The following LINGO2 variants were observed in gnomAD, a reference collection of about 807,000 sequenced individuals.
LINGO2 encodes the protein leucine rich repeat and Ig domain containing 2, also known as leucine-rich repeat and immunoglobulin-like domain-containing nogo receptor-interacting protein 2.
Under a neutral mutation model 30.6 loss-of-function variants are expected in LINGO2, and 14 were observed. The ratio of observed to expected loss-of-function variants is 0.46; its 90% CI spans 0.30 to 0.72. The LOEUF is 0.72. Among genes scored for constraint, LINGO2 ranks in the 30% least tolerant of loss-of-function variants. LINGO2 has a pLI of 0.07. For missense variants in LINGO2, 729 were observed against 751.7 expected, an observed-to-expected ratio of 0.97 and a Z score of 0.35; for synonymous variants, 317 against 288.5, an observed-to-expected ratio of 1.10 and a Z score of -1.00.
chr9:28,992,644 C>G, the LINGO2 span, among the ~76,000 whole-genome samples: 3 of 152,140 alleles, frequency 2.0e-5, no homozygotes, highest in African/African-American at 7.2e-5. Flanking sequence ...TGTAAAAGAA[C>G]AGAAATTATA....
chr9:28,180,268 T>C (rs1161677858), intron 4 of LINGO2, among the ~76,000 whole-genome samples: 4 of 152,138 alleles, frequency 2.6e-5, no homozygotes, highest in African/African-American at 9.7e-5. Flanking sequence ...GCCAGGGGTA[T>C]CTTCAAGCGA....
At chr9:28,146,006 G>T (rs1454244556) in intron 4 of LINGO2, among the ~76,000 whole-genome samples, 1 of 152,166 alleles carries the variant, frequency 6.6e-6, no homozygotes, top group African/African-American at 2.4e-5. Flanking sequence ...GATGGGAAGG[G>T]CCACAGTTGT....
chr9:29,174,619 C>T, the LINGO2 span, among the ~76,000 whole-genome samples: 1 of 152,124 alleles, frequency 6.6e-6, no homozygotes, highest in Non-Finnish European at 1.5e-5. Context: ...GGGAACAGAA[C>T]CTATCAATTA....
chr9:29,157,080 C>T, the LINGO2 span, among the ~76,000 whole-genome samples: 204 of 151,992 alleles, frequency 1.3e-3, no homozygotes, highest in African/African-American at 4.8e-3. Flanking sequence ...CCAACATCCC[C>T]ACCTACACAA....
At chr9:28,301,536 T>A (rs1457017985) in intron 3 of LINGO2, among the ~76,000 whole-genome samples, 5 of 152,168 alleles carry the variant, frequency 3.3e-5, no homozygotes, top group Non-Finnish European at 7.3e-5. Context: ...GACTGGAGAT[T>A]CTGAAGATGA....
At chr9:29,066,607 C>T in the LINGO2 span, among the ~76,000 whole-genome samples, 2 of 151,804 alleles carry the variant, frequency 1.3e-5, no homozygotes, top group Non-Finnish European at 2.9e-5. Context: ...TAAAATGCTT[C>T]CCTATATGTA....
intron 1 of LINGO2, among the ~76,000 whole-genome samples, chr9:28,546,310 A>T (rs1821935648): frequency 6.6e-6 from 1 of 152,132 alleles, no homozygotes; most frequent in Admixed American, 6.6e-5. Context: ...CATTAAAAAA[A>T]TATTTAATCA....
intron 3 of LINGO2, among the ~76,000 whole-genome samples, chr9:28,314,889 G>A (rs1824778638): frequency 1.3e-5 from 2 of 151,666 alleles, no homozygotes; most frequent in African/African-American, 4.8e-5. Context: ...GGAGGCTGAG[G>A]CAGGAGAATG....
chr9:28,661,144 A>AT (rs1828567531), intron 1 of LINGO2, among the ~76,000 whole-genome samples: 2 of 150,698 alleles, frequency 1.3e-5, no homozygotes, highest in African/African-American at 4.9e-5. Context: ...AGATGCAGAA[A>AT]AATATATATA....
At chr9:28,904,539 T>C in the LINGO2 span, among the ~76,000 whole-genome samples, 1 of 151,922 alleles carries the variant, frequency 6.6e-6, no homozygotes, top group East Asian at 1.9e-4. Flanking sequence ...TATGAAAATC[T>C]GTACTGTTTT....
the LINGO2 span, among the ~76,000 whole-genome samples, chr9:28,861,672 G>C: frequency 1.3e-5 from 2 of 151,914 alleles, no homozygotes; most frequent in Admixed American, 1.3e-4. Context: ...ACTGAAGTGG[G>C]ATGATTGCTT....
At chr9:28,463,021 G>C (rs1397859142) in intron 2 of LINGO2, among the ~76,000 whole-genome samples, 1 of 152,026 alleles carries the variant, frequency 6.6e-6, no homozygotes, top group Non-Finnish European at 1.5e-5. Flanking sequence ...ACTAGGGCTA[G>C]AAGATGACAT....
intron 1 of LINGO2, among the ~76,000 whole-genome samples, chr9:28,494,266 T>C (rs1349614102): frequency 6.6e-6 from 1 of 152,226 alleles, no homozygotes; most frequent in East Asian, 1.9e-4. Context: ...TGTACACAAC[T>C]TGCAGGTTTG....
At chr9:28,385,782 G>A (rs1306329727) in intron 2 of LINGO2, among the ~76,000 whole-genome samples, 1 of 152,086 alleles carries the variant, frequency 6.6e-6, no homozygotes. Flanking sequence ...TCTAGGCTTA[G>A]GCACAGATTC....
chr9:28,309,725 A>C (rs964366809), intron 3 of LINGO2, among the ~76,000 whole-genome samples: 10 of 152,080 alleles, frequency 6.6e-5, no homozygotes, highest in Admixed American at 2.0e-4. Context: ...TAAGAAAATG[A>C]AAAGAAAAGC....
chr9:28,051,676 T>G (rs1173721189), intron 4 of LINGO2, among the ~76,000 whole-genome samples: 1 of 152,110 alleles, frequency 6.6e-6, no homozygotes, highest in East Asian at 1.9e-4. Flanking sequence ...AGGATTAAGC[T>G]AGATTCCAAC....
chr9:27,943,154 A>G (rs148512529), downstream of LINGO2: 19 of 152,288 alleles, frequency 1.2e-4, no homozygotes, highest in East Asian at 3.3e-3. Flanking sequence ...TTGCAGTGTA[A>G]AGATATTAAA....
intron 1 of LINGO2, among the ~76,000 whole-genome samples, chr9:28,641,135 G>A (rs1314765912): frequency 6.6e-6 from 1 of 152,150 alleles, no homozygotes; most frequent in African/African-American, 2.4e-5. Context: ...CCAGGTTCAC[G>A]CCATTCTCCT....
At chr9:28,448,351 A>G (rs552847499) in intron 2 of LINGO2, among the ~76,000 whole-genome samples, 2 of 152,266 alleles carry the variant, frequency 1.3e-5, no homozygotes, top group Non-Finnish European at 2.9e-5. Context: ...AAAAACTGCT[A>G]TAAGACAATT....
Sources: gnomAD v4.1 joint callset for allele counts (sites outside exome capture counted in the v4.1 genomes callset) on GRCh38, gnomAD v4.1.1 for gene constraint, MANE v1.5 for transcripts, NCBI Gene and HGNC (gene_info 2026-07-23, HGNC 2026-07-21) for gene names.